The following SLC5A4 variants were observed in gnomAD, a reference collection of about 807,000 sequenced individuals.
SLC5A4 encodes probable glucose sensor protein SLC5A4.
Under a neutral mutation model 70.3 loss-of-function variants are expected in SLC5A4, and 55 were observed. That is an observed-to-expected ratio of 0.78 (90% CI 0.63 to 0.98). SLC5A4 has a LOEUF of 0.98. Among genes scored for constraint, SLC5A4 ranks in the 50% least tolerant of loss-of-function variants. SLC5A4 has a pLI of 0.00. For synonymous variants in SLC5A4, 268 were observed against 305.7 expected, an observed-to-expected ratio of 0.88 and a Z score of 1.29; for missense variants, 735 against 839.2, an observed-to-expected ratio of 0.88 and a Z score of 1.53.
chr22:32,351,266 T>C, the SLC5A4 span, among the ~76,000 whole-genome samples: 12,484 of 152,242 alleles, frequency 0.082, 828 homozygotes, highest in African/African-American at 0.17. Flanking sequence ...AATATTTTAT[T>C]TGACGCTTCA....
chr22:32,226,465 AT>A (rs761601325), intron 11 of SLC5A4, among the ~76,000 whole-genome samples: 3 of 152,240 alleles, frequency 2.0e-5, no homozygotes, highest in African/African-American at 2.4e-5. Flanking sequence ...GTAAAAGGCC[AT>A]TCATCTCTCT....
At chr22:32,256,332 C>CA (rs1301795403), upstream of SLC5A4, among the ~76,000 whole-genome samples, 3 of 151,892 alleles carry the variant, frequency 2.0e-5, no homozygotes, top group East Asian at 1.9e-4. Flanking sequence ...AAAACAACAA[C>CA]AAAAAAACAA....
chr22:32,334,932 G>C, the SLC5A4 span, among the ~76,000 whole-genome samples: 1 of 152,220 alleles, frequency 6.6e-6, no homozygotes, highest in East Asian at 1.9e-4. Flanking sequence ...TTCCACACTT[G>C]TAGGAGGAGC....
At chr22:32,246,287 C>T (rs1165222027) in intron 5 of SLC5A4, among the ~76,000 whole-genome samples, 1 of 152,184 alleles carries the variant, frequency 6.6e-6, no homozygotes, top group African/African-American at 2.4e-5. Flanking sequence ...GCCATCTAAC[C>T]TAAGCAGCTA....
At chr22:32,307,305 T>C in the SLC5A4 span, among the ~76,000 whole-genome samples, 96,573 of 152,018 alleles carry the variant, frequency 0.64, 30,795 homozygotes, top group East Asian at 0.7. Flanking sequence ...TTATCTAGCA[T>C]CAGCTGTTGG....
chr22:32,335,892 C>T, the SLC5A4 span, among the ~76,000 whole-genome samples: 1 of 152,228 alleles, frequency 6.6e-6, no homozygotes, highest in South Asian at 2.1e-4. Flanking sequence ...CGAGCATCCT[C>T]CAGCCCACGG....
chr22:32,224,511 A>G (rs368605900), intron 12 of SLC5A4, 29 bp from the exon 13 acceptor site: 6 of 1,536,586 alleles, frequency 3.9e-6, no homozygotes, highest in Non-Finnish European at 4.5e-6. Context: ...GAAAATCAGA[A>G]TGTTTAGAAA....
At chr22:32,310,868 T>C in the SLC5A4 span, among the ~76,000 whole-genome samples, 1 of 152,328 alleles carries the variant, frequency 6.6e-6, no homozygotes, top group East Asian at 1.9e-4. Context: ...CGCAGGGCAT[T>C]GTTTGCACAG....
chr22:32,261,556 C>G, the SLC5A4 span, among the ~76,000 whole-genome samples: 8 of 152,200 alleles, frequency 5.3e-5, no homozygotes, highest in Non-Finnish European at 1.0e-4. Context: ...GGGGCAGGGT[C>G]AGAGTCCTGC....
chr22:32,339,543 G>C, the SLC5A4 span, among the ~76,000 whole-genome samples: 1 of 152,154 alleles, frequency 6.6e-6, no homozygotes, highest in Admixed American at 6.5e-5. Flanking sequence ...AAAACTAAGC[G>C]TGGGTGTTGT....
the SLC5A4 span, among the ~76,000 whole-genome samples, chr22:32,328,437 C>CT: frequency 6.6e-6 from 1 of 152,148 alleles, no homozygotes; most frequent in Non-Finnish European, 1.5e-5. Flanking sequence ...TTCCACTGGG[C>CT]TTTGCACCTT....
At chr22:32,271,681 G>T in the SLC5A4 span, 13 of 586,522 alleles carry the variant, frequency 2.2e-5, no homozygotes, top group Non-Finnish European at 3.8e-5. Flanking sequence ...GAGGGGTGCT[G>T]CGGCTGCACC....
chr22:32,224,623 G>A (rs1925287119), intron 12 of SLC5A4, 141 bp from the exon 13 acceptor site: 1 of 661,642 alleles, frequency 1.5e-6, no homozygotes, highest in Non-Finnish European at 2.6e-6. Context: ...TACCGACATA[G>A]AGAAAATTGC....
At chr22:32,291,855 TATAA>T in the SLC5A4 span, among the ~76,000 whole-genome samples, 4 of 105,240 alleles carry the variant, frequency 3.8e-5, no homozygotes, top group Non-Finnish European at 6.1e-5. Context: ...TATGTATATA[TATAA>T]TTTATTTTTC....
At chr22:32,275,759 A>AT in the SLC5A4 span, among the ~76,000 whole-genome samples, 2 of 151,988 alleles carry the variant, frequency 1.3e-5, no homozygotes, top group Non-Finnish European at 2.9e-5. Context: ...GGTCAAATGG[A>AT]TTTTCTAGTT....
chr22:32,226,884 A>G (rs1925431006), intron 11 of SLC5A4, among the ~76,000 whole-genome samples: 1 of 152,050 alleles, frequency 6.6e-6, no homozygotes, highest in Non-Finnish European at 1.5e-5. Context: ...GTTCTCAAAC[A>G]TATCACATAT....
chr22:32,234,801 C>A, intron 8 of SLC5A4, 72 bp downstream of exon 8: 2 of 1,086,108 alleles, frequency 1.8e-6, no homozygotes, highest in East Asian at 2.4e-5. Context: ...CAAGAAAGAA[C>A]AAGCACATGC....
chr22:32,227,234 T>C (rs1925457700), intron 11 of SLC5A4, among the ~76,000 whole-genome samples: 1 of 152,180 alleles, frequency 6.6e-6, no homozygotes, highest in Non-Finnish European at 1.5e-5. Context: ...GAAAAAGTTA[T>C]TACTTTATCA....
At position 32,250,329 on chromosome 22, in the gene SLC5A4, G is replaced by A. The variant is rs542417769; in HGVS notation, c.312+1441C>T. 1.4e-4 allele frequency among the ~76,000 whole-genome samples: 22 copies of A among 152,210 alleles called. No individual in the cohort carries two copies. In the South Asian group the frequency reaches 3.9e-3, roughly 27 times the overall value. ...CTCAGGAGTTAAGAGACCAGCCTGG[G>A]CAACATAGGGAGAACCCCATATCTA... is the stretch of plus-strand genomic sequence containing the variant. On this transcript the variant is annotated intron_variant, in intron 3 of 14. Transcript: ENST00000266086.
Sources: allele counts gnomAD v4.1 joint callset (sites outside exome capture counted in the v4.1 genomes callset), GRCh38; gene constraint gnomAD v4.1.1; transcripts MANE v1.5; gene names NCBI Gene and HGNC (gene_info 2026-07-23, HGNC 2026-07-21).